The following CHD9 variants were observed in gnomAD, a reference collection of about 807,000 sequenced individuals.
The protein encoded by CHD9 is chromodomain helicase DNA binding protein 9, also known as ATP-dependent chromatin remodeler CHD9.
In CHD9, 77 loss-of-function variants were observed where a neutral mutation model predicts 316.1. The observed-to-expected ratio is 0.24, with a 90% CI of 0.20 to 0.29. The LOEUF (loss-of-function observed/expected upper bound fraction) is 0.29. Ranked by LOEUF, CHD9 falls within the 10% of genes least tolerant of loss-of-function variation. The pLI is 1.00. For synonymous variants in CHD9, 1,129 were observed against 1,158.3 expected, an observed-to-expected ratio of 0.97 and a Z score of 0.51; for missense variants, 2,763 against 3,438.1, an observed-to-expected ratio of 0.80 and a Z score of 4.91.
At chr16:53,261,095 CAAAA>C (rs753392412) in intron 19 of CHD9, among the ~76,000 whole-genome samples, 1 of 123,262 alleles carries the variant, frequency 8.1e-6, no homozygotes. Context: ...TTAGAGAAAG[CAAAA>C]AAAAAAAAAA....
Position 53,117,407 on chromosome 16 carries a change from A to AATATATAT in CHD9, c.-164-38506_-164-38499dup, listed in dbSNP as rs35017419. ...CCACAGACATTCAGTTCTCTGACGT[A>AATATATAT]ATATATATATATATATATATTTTTG... On this transcript the variant is annotated intron_variant, in intron 1 of 38. Transcript: ENST00000447540. Among the ~76,000 whole-genome samples the AATATATAT allele has an allele frequency of 1.9e-3, 289 of 148,632 alleles. 3 individuals are homozygous for AATATATAT. The highest frequency in any genetic ancestry group is 6.8e-3 in the African/African-American group (275 of 40,336).
chr16:53,265,669 G>GT (rs1029729559), intron 20 of CHD9, among the ~76,000 whole-genome samples: 1 of 151,940 alleles, frequency 6.6e-6, no homozygotes, highest in Non-Finnish European at 1.5e-5. Flanking sequence ...ATTTTTAAGT[G>GT]TTTTTTAATC....
chr16:53,091,343 G>A (rs900892402), intron 1 of CHD9, among the ~76,000 whole-genome samples: 1 of 152,190 alleles, frequency 6.6e-6, no homozygotes, highest in Non-Finnish European at 1.5e-5. Context: ...TTCCTCATCT[G>A]TAAAAAATGT....
intron 1 of CHD9, among the ~76,000 whole-genome samples, chr16:53,073,645 G>C (rs1364231398): frequency 6.6e-6 from 1 of 152,208 alleles, no homozygotes; most frequent in Non-Finnish European, 1.5e-5. Flanking sequence ...GGTTTCCTCA[G>C]TACTGTTCTC....
At chr16:53,088,275 C>CTTTTTTTTTTTTTTTTTTT (rs35052198) in intron 1 of CHD9, among the ~76,000 whole-genome samples, 1 of 127,050 alleles carries the variant, frequency 7.9e-6, no homozygotes. Flanking sequence ...ATGACATGCA[C>CTTTTTTTTTTTTTTTTTTT]TTTGTTTTTT....
intron 1 of CHD9, among the ~76,000 whole-genome samples, chr16:53,086,314 G>A (rs1266240290): frequency 1.3e-5 from 2 of 152,300 alleles, no homozygotes; most frequent in South Asian, 4.1e-4. Context: ...GCTTTCCACC[G>A]TGTGCTCAAT....
chr16:53,138,601 T>C (rs2039885659), intron 1 of CHD9, among the ~76,000 whole-genome samples: 1 of 152,198 alleles, frequency 6.6e-6, no homozygotes, highest in African/African-American at 2.4e-5. Context: ...AAGTGGTATG[T>C]AATAAATGGG....
chr16:53,177,648 C>T (rs1238573663), intron 2 of CHD9, among the ~76,000 whole-genome samples: 3 of 152,116 alleles, frequency 2.0e-5, no homozygotes, highest in Non-Finnish European at 4.4e-5. Context: ...ATTTCTTAAT[C>T]CATTTTTATG....
intron 2 of CHD9, among the ~76,000 whole-genome samples, chr16:53,174,942 A>T (rs2043003782): frequency 6.6e-6 from 1 of 152,182 alleles, no homozygotes. Context: ...TTGTTCTGGG[A>T]TGCAGTTAAG....
intron 1 of CHD9, among the ~76,000 whole-genome samples, chr16:53,090,514 G>A (rs2035844227): frequency 6.6e-6 from 1 of 152,156 alleles, no homozygotes; most frequent in Admixed American, 6.5e-5. Context: ...AGTATAATGG[G>A]GATAGTGACA....
intron 16 of CHD9, among the ~76,000 whole-genome samples, 186 bp from the exon 17 acceptor site, chr16:53,249,685 A>G (rs1404183106): frequency 6.6e-6 from 1 of 152,176 alleles, no homozygotes; most frequent in Non-Finnish European, 1.5e-5. Context: ...TCTTTATATT[A>G]GTTTTTGTTT....
At chr16:53,169,392 G>GT (rs2042515219) in intron 2 of CHD9, 1 of 151,992 alleles carries the variant, frequency 6.6e-6, no homozygotes, top group Non-Finnish European at 1.5e-5. Context: ...CTCAACTGGT[G>GT]TTTTTGTTAT....
rs369431664 is a variant in CHD9 at position 53,268,106 on chromosome 16, G to T, written c.4697G>T (p.Arg1566Leu). Residue 1566 changes from arginine to leucine, a missense_variant, in exon 22 of 39, where the codon CGA becomes CTA. Coordinates refer to ENST00000447540, the MANE Select transcript of CHD9 (RefSeq NM_001308319.2). ...ACTCCAACTGAAGATGGACAGACAC[G>T]AGAGCTACAGAATCATCTAGGTAAG... ...LITPTEDGQT[R>L]ELQNHLGLSA... 6.2e-7 allele frequency: 1 copy of T among 1,608,552 alleles called. No individual in the cohort carries two copies. Among genetic ancestry groups the T allele is most frequent in the South Asian group, 1.1e-5 (1 of 90,528 alleles).
intron 1 of CHD9, among the ~76,000 whole-genome samples, chr16:53,114,732 C>T (rs1188593301): frequency 4.6e-5 from 7 of 152,114 alleles, no homozygotes; most frequent in Admixed American, 2.6e-4. Context: ...GGACTACAGG[C>T]GCCTGCCACC....
chr16:53,239,274 C>G (rs551568547), intron 12 of CHD9, among the ~76,000 whole-genome samples: 2 of 152,064 alleles, frequency 1.3e-5, no homozygotes, highest in South Asian at 4.1e-4. Context: ...TAAGAATTTT[C>G]TAGCAGAAAG....
At chr16:53,076,028 T>C (rs1306645220) in intron 1 of CHD9, among the ~76,000 whole-genome samples, 1 of 152,232 alleles carries the variant, frequency 6.6e-6, no homozygotes, top group East Asian at 1.9e-4. Flanking sequence ...TCAAGCATCT[T>C]TTCATGTGCT....
At chr16:53,086,893 A>G (rs1040106799) in intron 1 of CHD9, among the ~76,000 whole-genome samples, 1 of 152,148 alleles carries the variant, frequency 6.6e-6, no homozygotes, top group Non-Finnish European at 1.5e-5. Flanking sequence ...TATCAAATGT[A>G]TACAGCTGAC....
intron 1 of CHD9, among the ~76,000 whole-genome samples, chr16:53,153,347 A>G (rs1178933628): frequency 3.3e-5 from 5 of 152,212 alleles, no homozygotes; most frequent in Non-Finnish European, 7.3e-5. Context: ...AATGGGACAA[A>G]TTGATGACTC....
chr16:53,130,713 C>T (rs924312713), intron 1 of CHD9, among the ~76,000 whole-genome samples: 4 of 151,790 alleles, frequency 2.6e-5, no homozygotes, highest in Non-Finnish European at 4.4e-5. Context: ...ACGACCCCGC[C>T]TCGCACCGCC....
Sources: allele counts gnomAD v4.1 joint callset (sites outside exome capture counted in the v4.1 genomes callset), GRCh38; gene constraint gnomAD v4.1.1; transcripts MANE v1.5; gene names NCBI Gene and HGNC (gene_info 2026-07-23, HGNC 2026-07-21).